The following TNFRSF9 variants were observed in gnomAD, a reference collection of about 807,000 sequenced individuals.
TNFRSF9 encodes TNF receptor superfamily member 9, also known as tumor necrosis factor receptor superfamily member 9.
A neutral mutation model predicts 28.8 loss-of-function variants in TNFRSF9; 16 were observed. The observed-to-expected ratio is 0.55, with a 90% CI of 0.38 to 0.84. The LOEUF (loss-of-function observed/expected upper bound fraction) is 0.84, where lower values mean the gene tolerates loss of function less well. TNFRSF9 is among the 40% of genes least tolerant of loss of function. TNFRSF9 has a pLI of 0.00. For missense variants in TNFRSF9, 303 were observed against 315.0 expected (o/e 0.96, Z 0.29); for synonymous variants, 131 against 117.0 (o/e 1.12, Z -0.77).
In TNFRSF9 at chr1:7,938,833, G is replaced by A. The variant is rs1639860045; in HGVS notation, c.101-5C>T. On this transcript the variant is annotated splice_polypyrimidine_tract_variant and splice_region_variant and intron_variant, in intron 2 of 7. Coordinates refer to ENST00000377507, the MANE Select transcript of TNFRSF9 (RefSeq NM_001561.6). Reference sequence around the variant, plus strand: ...TGTTATTATCACAGAATGTACCTAAGAAAGGCAGACAATAGTGGTACACGT... The same window carrying A: ...TGTTATTATCACAGAATGTACCTAAAAAAGGCAGACAATAGTGGTACACGT... The A allele has an allele frequency of 1.2e-6, 2 of 1,603,100 alleles. No homozygotes were observed. The highest frequency in any genetic ancestry group is 4.5e-5 in the East Asian group (2 of 44,770).
At chr1:7,935,274 A>T (rs1639800490) in intron 5 of TNFRSF9, 131 bp from the exon 6 acceptor site, 1 of 997,510 alleles carries the variant, frequency 1.0e-6, no homozygotes, top group Non-Finnish European at 1.4e-6. Flanking sequence ...TTCGAAAGCG[A>T]TGCAAAGATA....
rs1050687146 is a variant in TNFRSF9, at chr1:7,917,668, A to T, written c.*3167T>A. The stretch of plus-strand genomic sequence containing the variant: ...CCAGGCAAGAAAAAATGTTAACCAT[A>T]TGAGAAAACAGTTATAAATTTAACC... On this transcript the variant is annotated 3_prime_UTR_variant, in exon 8 of 8. Transcript: ENST00000377507. 2 of 152,170 alleles carry T rather than the reference A, an allele frequency of 1.3e-5. No individual in the cohort carries two copies. The highest frequency in any genetic ancestry group is 4.8e-5 in the African/African-American group (2 of 41,446). 9.4% of individuals were successfully genotyped at this position (152,170 alleles called of 1,614,324 possible).
chr1:7,926,106 G>A (rs1639647265), intron 7 of TNFRSF9, among the ~76,000 whole-genome samples: 1 of 152,110 alleles, frequency 6.6e-6, no homozygotes, highest in Non-Finnish European at 1.5e-5. Flanking sequence ...TCACCATGTT[G>A]GCCAGGCTAG....
intron 5 of TNFRSF9, among the ~76,000 whole-genome samples, chr1:7,937,359 G>T (rs1014307108): frequency 6.6e-6 from 1 of 152,074 alleles, no homozygotes; most frequent in Non-Finnish European, 1.5e-5. Context: ...TAGAGACAGG[G>T]TCTCACCCAG....
chr1:7,928,794 G>A (rs554712444), intron 7 of TNFRSF9, among the ~76,000 whole-genome samples: 1 of 152,134 alleles, frequency 6.6e-6, no homozygotes, highest in South Asian at 2.1e-4. Context: ...CACGAAAATC[G>A]CTGGAACCCA....
rs946664433 is a variant in TNFRSF9 at position 7,917,409 on chromosome 1, T to G, written c.*3426A>C. The G allele has an allele frequency of 6.6e-6, 1 of 152,346 alleles. No individual in the cohort carries two copies. Among genetic ancestry groups the G allele is most frequent in the Non-Finnish European group, 1.5e-5 (1 of 68,162 alleles). The allele number at this position is 152,346 out of a possible 1,614,324, so 9.4% of individuals were successfully genotyped here. A position where few individuals can be genotyped will look rare whatever the true frequency, so the allele number is the denominator to read the frequency against. On this transcript the variant is annotated 3_prime_UTR_variant, in exon 8 of 8. Transcript: ENST00000377507. ...GACCCATGGCCCTATGGAAACTTGA[T>G]GGATGGTAGGTGAGATTGCAGACCC...
chr1:7,939,864 G>C (rs768103635), intron 2 of TNFRSF9, 31 bp downstream of exon 2: 9 of 1,534,008 alleles, frequency 5.9e-6, no homozygotes, highest in Non-Finnish European at 9.0e-7. Flanking sequence ...CAACAGAGCA[G>C]ATCAAATGCA....
At chr1:7,926,181 A>G (rs1639648023) in intron 7 of TNFRSF9, among the ~76,000 whole-genome samples, 1 of 152,208 alleles carries the variant, frequency 6.6e-6, no homozygotes, top group Admixed American at 6.5e-5. Flanking sequence ...GATTACAGAC[A>G]TGAGCCACTG....
rs1639517679 is a variant in TNFRSF9, at chr1:7,918,840, C to T, written c.*1995G>A. ...CACTGGCTTGGCAAAATTAAGGGCA[C>T]CTGATAGTACCAGAGGGTAGCAAGG... On this transcript the variant is annotated 3_prime_UTR_variant, in exon 8 of 8. Coordinates refer to ENST00000377507, the MANE Select transcript of TNFRSF9 (RefSeq NM_001561.6). 1 of 152,080 alleles carries T rather than the reference C, an allele frequency of 6.6e-6. No homozygotes were observed. The highest frequency in any genetic ancestry group is 6.6e-5 in the Admixed American group (1 of 15,246). The allele number at this position is 152,080 out of a possible 1,614,324, so 9.4% of individuals were successfully genotyped here.
rs9657985 is a variant in TNFRSF9, at chr1:7,933,062, A to G, written c.679+100T>C. ...CCCTGCGTGATAGCCACGGGGCTAT[A>G]TGAACCTCATTTCTAGAATTTTTTT... On this transcript the variant is annotated intron_variant, in intron 7 of 7. Coordinates refer to ENST00000377507, the MANE Select transcript of TNFRSF9 (RefSeq NM_001561.6). The G allele has an allele frequency of 8.7e-3, 12,508 of 1,442,800 alleles. 964 individuals are homozygous for G. In the African/African-American group the frequency reaches 0.16, roughly 18 times the overall value. The allele number at this position is 1,442,800 out of a possible 1,614,324, so 89.4% of individuals were successfully genotyped here.
rs1007518228 is a variant in TNFRSF9 at position 7,920,181 on chromosome 1, C to T, written c.*654G>A. On this transcript the variant is annotated 3_prime_UTR_variant, in exon 8 of 8. Transcript: ENST00000377507. ...TGTCATATTAGCACCAAAAAACAAACCTGCATTGATTTTGATTATAATTAT... is the reference window on the plus strand; with the variant it reads ...TGTCATATTAGCACCAAAAAACAAATCTGCATTGATTTTGATTATAATTAT... 2 of 152,182 alleles carry T rather than the reference C, an allele frequency of 1.3e-5. No homozygotes were observed. Among genetic ancestry groups the T allele is most frequent in the Admixed American group, 1.3e-4 (2 of 15,226 alleles). The allele number at this position is 152,182 out of a possible 1,614,324, so 9.4% of individuals were successfully genotyped here.
intron 7 of TNFRSF9, among the ~76,000 whole-genome samples, chr1:7,927,605 T>G (rs1009308771): frequency 2.0e-5 from 3 of 151,702 alleles, no homozygotes; most frequent in African/African-American, 7.3e-5. Context: ...AGGTGGAGGC[T>G]GCAGTAAGCC....
rs542043287 is a variant in TNFRSF9 at position 7,937,631 on chromosome 1, T to C, written c.413+59A>G. ...AAAGCTTCAATGATAGCATTCCTTA[T>C]CTTCCAAAAAATTTAACCCAGATTC... On this transcript the variant is annotated intron_variant, in intron 5 of 7. Transcript: ENST00000377507. The C allele has an allele frequency of 2.2e-5, 31 of 1,441,850 alleles. No homozygotes were observed. In the Admixed American group the frequency reaches 5.3e-4, roughly 25 times the overall value. 89.3% of individuals were successfully genotyped at this position (1,441,850 alleles called of 1,614,324 possible).
At chr1:7,929,605 C>A (rs1328953479) in intron 7 of TNFRSF9, among the ~76,000 whole-genome samples, 1 of 152,118 alleles carries the variant, frequency 6.6e-6, no homozygotes, top group Non-Finnish European at 1.5e-5. Context: ...TTGACACATA[C>A]CATATGATTC....
intron 1 of TNFRSF9, 93 bp from the exon 2 acceptor site, chr1:7,940,171 A>G (rs748153883): frequency 4.4e-6 from 2 of 452,426 alleles, no homozygotes; most frequent in Non-Finnish European, 8.0e-6. Flanking sequence ...ATAAGAGGAT[A>G]ACTCAGGGTT....
Position 7,935,129 on chromosome 1 carries a change from C to A in TNFRSF9, c.428G>T (p.Gly143Val). The change falls in exon 6 of 8, where the codon GGA (glycine) becomes GTA (valine). Residue 143 changes from glycine (G) to valine (V), a missense_variant. Transcript: ENST00000377507. Reference sequence around the variant, plus strand: ...CGTCCCATTCACAAGCACAGACTTTCCATCCAAAGAACAGCTTAGACAGTT... The same window carrying A: ...CGTCCCATTCACAAGCACAGACTTTACATCCAAAGAACAGCTTAGACAGTT... ...CRPWTNCSLDGKSVLVNGTKE... is the reference protein window; with the variant it reads ...CRPWTNCSLDVKSVLVNGTKE... The A allele has an allele frequency of 6.2e-7, 1 of 1,614,196 alleles. No homozygotes were observed.
chr1:7,938,939 A>G, intron 2 of TNFRSF9, 111 bp from the exon 3 acceptor site: 2 of 682,886 alleles, frequency 2.9e-6, no homozygotes, highest in Non-Finnish European at 2.5e-6. Context: ...AGTTTTCTAG[A>G]TGCCACAGTG....
intron 6 of TNFRSF9, among the ~76,000 whole-genome samples, chr1:7,933,764 C>T (rs914389928): frequency 2.0e-5 from 3 of 152,102 alleles, no homozygotes; most frequent in Admixed American, 6.6e-5. Context: ...CACCTGTAAT[C>T]CTAGCACTTT....
intron 4 of TNFRSF9, 37 bp downstream of exon 4, chr1:7,938,156 C>G (rs762513791): frequency 9.1e-5 from 137 of 1,504,630 alleles, no homozygotes; most frequent in Non-Finnish European, 1.2e-4. Context: ...TTGTCTATGT[C>G]ACAAAACTAC....
Sources: allele counts gnomAD v4.1 joint callset (sites outside exome capture counted in the v4.1 genomes callset), GRCh38; gene constraint gnomAD v4.1.1; transcripts MANE v1.5; gene names NCBI Gene and HGNC (gene_info 2026-07-23, HGNC 2026-07-21).